Variants in CADPS observed in about 807,000 individuals in gnomAD.
CADPS encodes calcium dependent secretion activator.
In CADPS, 57 loss-of-function variants were observed where a neutral mutation model predicts 167.3. The observed-to-expected ratio is 0.34, with a 90% confidence interval of 0.28 to 0.42. The LOEUF (loss-of-function observed/expected upper bound fraction) is 0.42. CADPS is among the 20% of genes least tolerant of loss of function. CADPS has a pLI of 1.00. For synonymous variants in CADPS, 676 were observed against 635.3 expected, an observed-to-expected ratio of 1.06 and a Z score of -0.96; for missense variants, 1,414 against 1,738.1, an observed-to-expected ratio of 0.81 and a Z score of 3.32.
intron 1 of CADPS, among the ~76,000 whole-genome samples, chr3:62,774,650 T>A (rs183479732): frequency 6.6e-6 from 1 of 152,222 alleles, no homozygotes; most frequent in Non-Finnish European, 1.5e-5. Context: ...TAATACCCTT[T>A]TATGAAAATA....
At chr3:62,852,523 A>T (rs1360327655) in intron 1 of CADPS, among the ~76,000 whole-genome samples, 1 of 151,778 alleles carries the variant, frequency 6.6e-6, no homozygotes. Flanking sequence ...CCATCATGAG[A>T]CTGTTAACAG....
chr3:62,473,156 C>A (rs866479307), intron 24 of CADPS, among the ~76,000 whole-genome samples: 19 of 143,656 alleles, frequency 1.3e-4, no homozygotes, highest in African/African-American at 4.4e-4. Context: ...AATTTGACTC[C>A]AGTGCTTAGA....
In CADPS at chr3:62,516,075, C is replaced by T. The variant is rs781136889; in HGVS notation, c.2565G>A (p.Glu855=). 3 of 1,613,044 alleles carry T rather than the reference C, an allele frequency of 1.9e-6. No homozygotes were observed. Among genetic ancestry groups the T allele is most frequent in the Admixed American group, 1.7e-5 (1 of 59,936 alleles). The part of the protein sequence containing the change: ...AALVNYSRLS[E]YAKIEENQKD... ...GAGCCTTACCTTCGATTTTGGCATA[C>T]TCTGAGAGCCGAGAATAGTTGACTA... The change falls in exon 16 of 30, where the codon GAG becomes GAA. Residue 855 remains glutamate, a synonymous_variant. Coordinates refer to ENST00000383710, the MANE Select transcript of CADPS (RefSeq NM_003716.4).
chr3:62,599,255 T>C (rs374780092), intron 6 of CADPS, among the ~76,000 whole-genome samples: 8 of 152,046 alleles, frequency 5.3e-5, no homozygotes, highest in African/African-American at 1.9e-4. Context: ...CCCTATTCTG[T>C]GATCCCATCC....
intron 21 of CADPS, among the ~76,000 whole-genome samples, chr3:62,488,496 A>ATTTAT (rs142030984): frequency 6.8e-6 from 1 of 147,844 alleles, no homozygotes; most frequent in South Asian, 2.1e-4. Context: ...TTATTTATTT[A>ATTTAT]TTATTATTAT....
intron 1 of CADPS, among the ~76,000 whole-genome samples, chr3:62,783,195 A>C (rs1169092710): frequency 6.6e-6 from 1 of 152,216 alleles, no homozygotes; most frequent in African/African-American, 2.4e-5. Context: ...AGACCTGGGC[A>C]AGCAATGTCA....
At position 62,499,225 on chromosome 3, in the gene CADPS, A is replaced by G; in HGVS notation, c.2643T>C (p.Asp881=). Residue 881 remains aspartate (D), a synonymous_variant, in exon 18 of 30, where the codon GAT becomes GAC. Coordinates refer to ENST00000383710, the MANE Select transcript of CADPS (RefSeq NM_003716.4). ...TGACTAGTTCAGCAAGACGTATTGT[A>G]TCTTCAAGCTTTTTGGCAGGAGTGA... The part of the protein sequence containing the change: ...RLITPAKKLE[D]TIRLAELVIE... 1 of 1,613,920 alleles carries G rather than the reference A, an allele frequency of 6.2e-7. No homozygotes were observed. The highest frequency in any genetic ancestry group is 2.2e-5 in the East Asian group (1 of 44,864).
In CADPS at chr3:62,651,100, G is replaced by C. The variant is rs774737883; in HGVS notation, c.970-20C>G. 6.5e-7 allele frequency: 1 copy of C among 1,538,578 alleles called. No homozygotes were observed. Among genetic ancestry groups the C allele is most frequent in the Admixed American group, 1.7e-5 (1 of 59,324 alleles). The stretch of plus-strand genomic sequence containing the variant: ...GCGTTCCTTGGGAAGAAAAAGAAAA[G>C]TATGAGCAGAGGAGAAAATAGAAAG... On this transcript the variant is annotated intron_variant, in intron 4 of 29. Coordinates refer to ENST00000383710, the MANE Select transcript of CADPS (RefSeq NM_003716.4).
At chr3:62,676,788 G>A (rs2076401143) in intron 3 of CADPS, among the ~76,000 whole-genome samples, 1 of 152,090 alleles carries the variant, frequency 6.6e-6, no homozygotes, top group Non-Finnish European at 1.5e-5. Flanking sequence ...AATAGATTCT[G>A]TCTCTACAGC....
At chr3:62,568,748 T>C (rs1335011596) in intron 9 of CADPS, among the ~76,000 whole-genome samples, 2 of 152,230 alleles carry the variant, frequency 1.3e-5, no homozygotes, top group Non-Finnish European at 2.9e-5. Flanking sequence ...ATCCTATTGG[T>C]TCTGTCTCTC....
chr3:62,709,856 A>G (rs1424614401), intron 3 of CADPS, among the ~76,000 whole-genome samples: 9 of 151,148 alleles, frequency 6.0e-5, no homozygotes, highest in Admixed American at 5.9e-4. Flanking sequence ...TGCAACCTCC[A>G]CCTCCTGGGT....
intron 10 of CADPS, among the ~76,000 whole-genome samples, chr3:62,551,101 C>T (rs1011603095): frequency 9.2e-5 from 14 of 152,136 alleles, no homozygotes; most frequent in Non-Finnish European, 1.5e-5. Flanking sequence ...CTTCACACTT[C>T]TCTCTCCAAC....
At chr3:62,462,878 T>C (rs1227722048) in intron 26 of CADPS, among the ~76,000 whole-genome samples, 1 of 152,214 alleles carries the variant, frequency 6.6e-6, no homozygotes, top group Non-Finnish European at 1.5e-5. Flanking sequence ...GAGATATTCC[T>C]GCCACCTCTA....
chr3:62,826,867 G>A (rs538977235), intron 1 of CADPS, among the ~76,000 whole-genome samples: 4 of 152,296 alleles, frequency 2.6e-5, no homozygotes, highest in African/African-American at 7.2e-5. Flanking sequence ...TTCCTTGAAA[G>A]GGGTGGACAG....
chr3:62,785,831 C>T (rs1425668152), intron 1 of CADPS, among the ~76,000 whole-genome samples: 1 of 150,908 alleles, frequency 6.6e-6, no homozygotes, highest in Non-Finnish European at 1.5e-5. Flanking sequence ...GAGATGTTAG[C>T]TAATGATAGC....
intron 6 of CADPS, among the ~76,000 whole-genome samples, chr3:62,640,101 T>G (rs2067128799): frequency 6.6e-6 from 1 of 152,184 alleles, no homozygotes; most frequent in South Asian, 2.1e-4. Context: ...CCAGCACTGG[T>G]TGGACATAAG....
chr3:62,573,709 C>A (rs1004776183), intron 8 of CADPS, among the ~76,000 whole-genome samples: 1 of 152,138 alleles, frequency 6.6e-6, no homozygotes, highest in Non-Finnish European at 1.5e-5. Context: ...TCAGTTTAAA[C>A]CTTTACTTTG....
intron 4 of CADPS, 72 bp downstream of exon 4, chr3:62,662,242 G>A: frequency 8.0e-7 from 1 of 1,246,994 alleles, no homozygotes; most frequent in South Asian, 1.2e-5. Flanking sequence ...TTTAGAGGCT[G>A]TCAATAATCA....
intron 1 of CADPS, among the ~76,000 whole-genome samples, chr3:62,797,491 G>T (rs1447677935): frequency 6.6e-6 from 1 of 152,106 alleles, no homozygotes; most frequent in Non-Finnish European, 1.5e-5. Context: ...AATTTAAAAG[G>T]TTTCCTGATC....
Sources: gnomAD v4.1 joint callset for allele counts (sites outside exome capture counted in the v4.1 genomes callset) on GRCh38, gnomAD v4.1.1 for gene constraint, MANE v1.5 for transcripts, NCBI Gene and HGNC (gene_info 2026-07-23, HGNC 2026-07-21) for gene names.